PLCL1: variants seen among roughly 807,000 people sequenced by gnomAD.
The protein encoded by PLCL1 is inactive phospholipase C-like protein 1.
In PLCL1, 41 loss-of-function variants were observed where a neutral mutation model predicts 84.4. The observed-to-expected ratio is 0.49, with a 90% confidence interval of 0.38 to 0.63. The LOEUF (loss-of-function observed/expected upper bound fraction) is 0.63. Among genes scored for constraint, PLCL1 ranks in the 30% least tolerant of loss-of-function variants. The pLI, the probability that PLCL1 is intolerant of heterozygous loss-of-function variation, is 0.00. For missense variants in PLCL1, 1,206 were observed against 1,367.8 expected, an observed-to-expected ratio of 0.88 and a Z score of 1.87; for synonymous variants, 490 against 488.3, an observed-to-expected ratio of 1.00 and a Z score of -0.05.
chr2:197,904,757 C>G (rs944940770), intron 1 of PLCL1, among the ~76,000 whole-genome samples: 4 of 151,838 alleles, frequency 2.6e-5, no homozygotes, highest in African/African-American at 9.7e-5. Flanking sequence ...GAACTAAATG[C>G]ATATGATAAT....
intron 1 of PLCL1, among the ~76,000 whole-genome samples, chr2:197,882,465 C>G (rs1467930511): frequency 6.6e-6 from 1 of 152,140 alleles, no homozygotes; most frequent in Non-Finnish European, 1.5e-5. Context: ...TACCTGTTTT[C>G]TAAACATTTT....
intron 1 of PLCL1, among the ~76,000 whole-genome samples, chr2:197,897,170 T>C (rs57892126): frequency 0.26 from 11,699 of 44,756 alleles, 1,250 homozygotes; most frequent in Middle Eastern, 0.3. Context: ...TTCTTCTTCT[T>C]CTTCTTCTTC....
intron 1 of PLCL1, among the ~76,000 whole-genome samples, chr2:198,015,786 T>G (rs1031076101): frequency 6.6e-6 from 1 of 152,130 alleles, no homozygotes; most frequent in Non-Finnish European, 1.5e-5. Flanking sequence ...TCAGAGCATA[T>G]GTGTGATAAA....
chr2:197,805,077 G>T lies in PLCL1; in HGVS notation c.-23G>T. 2 of 1,423,420 alleles carry T rather than the reference G, an allele frequency of 1.4e-6. No homozygotes were observed. The highest frequency in any genetic ancestry group is 1.8e-6 in the Non-Finnish European group (2 of 1,094,350). 88.2% of individuals were successfully genotyped at this position (1,423,420 alleles called of 1,614,324 possible). On this transcript the variant is annotated 5_prime_UTR_variant, in exon 1 of 6. Transcript: ENST00000428675. The surrounding 1 kb of genome is among the most constrained non-coding windows in gnomAD (Gnocchi z 4.0). ...CTGCCGGGCGTCCCGCTTTCCCCCG[G>T]GGAGCCCTAAACGCTCCAGGCCATG...
Position 198,129,363 on chromosome 2 carries a change from C to T in PLCL1, c.3106-17417C>T, listed in dbSNP as rs569723663. Among the ~76,000 whole-genome samples the T allele has an allele frequency of 5.9e-5, 9 of 152,210 alleles. No individual in the cohort carries two copies. In the South Asian group the frequency reaches 1.9e-3, roughly 32 times the overall value. ...TCTCCAACAACACCCCTTATCTTTGCCCAGACACTCCTTTCTATTGATTCC... is the reference window on the plus strand; with the variant it reads ...TCTCCAACAACACCCCTTATCTTTGTCCAGACACTCCTTTCTATTGATTCC... On this transcript the variant is annotated intron_variant, in intron 5 of 5. Transcript: ENST00000428675.
intron 1 of PLCL1, among the ~76,000 whole-genome samples, chr2:197,855,765 C>T (rs922593435): frequency 4.6e-5 from 7 of 152,106 alleles, no homozygotes; most frequent in South Asian, 2.1e-4. Flanking sequence ...CCTTCTTTAA[C>T]GGGGCCCATC....
At chr2:198,022,771 T>A (rs2105841209) in intron 1 of PLCL1, among the ~76,000 whole-genome samples, 1 of 152,242 alleles carries the variant, frequency 6.6e-6, no homozygotes, top group South Asian at 2.1e-4. Flanking sequence ...ATAGAAAAAC[T>A]TTCCATGTTC....
rs1692038826 is a variant in PLCL1, at chr2:198,055,328, TC to T, written c.241-28429del. ...CTCTCTCTCTCTCTCTCTCTCTCTC[TC>T]TGTGTGTGTGTGTGTCTGTGTATGA... On this transcript the variant is annotated intron_variant, in intron 1 of 5. Transcript: ENST00000428675. 1.9e-5 allele frequency among the ~76,000 whole-genome samples: 2 copies of T among 106,448 alleles called. 1 individual carries two copies. The highest frequency in any genetic ancestry group is 9.3e-5 in the African/African-American group (2 of 21,618). The allele number at this position is 106,448 out of a possible 152,430, so 69.8% of individuals were successfully genotyped here. A position where few individuals can be genotyped will look rare whatever the true frequency, so the allele number is the denominator to read the frequency against.
chr2:198,105,087 T>A (rs558404403), intron 5 of PLCL1, among the ~76,000 whole-genome samples: 1 of 152,206 alleles, frequency 6.6e-6, no homozygotes, highest in Admixed American at 6.6e-5. Flanking sequence ...ATGAAATCTT[T>A]ATTAGGTCCT....
chr2:197,894,053 G>A (rs1404308357), intron 1 of PLCL1, among the ~76,000 whole-genome samples: 1 of 151,800 alleles, frequency 6.6e-6, no homozygotes, highest in Non-Finnish European at 1.5e-5. Context: ...AGCCTCATCT[G>A]TCTCTCTTAT....
At chr2:198,143,445 C>G (rs1199993933) in intron 5 of PLCL1, among the ~76,000 whole-genome samples, 1 of 152,110 alleles carries the variant, frequency 6.6e-6, no homozygotes, top group Non-Finnish European at 1.5e-5. Context: ...GGGACACCTG[C>G]TGTACCTAAT....
intron 1 of PLCL1, among the ~76,000 whole-genome samples, chr2:198,073,266 C>T (rs1417813557): frequency 6.6e-6 from 1 of 152,062 alleles, no homozygotes; most frequent in Non-Finnish European, 1.5e-5. Flanking sequence ...TCCATTTTGA[C>T]CATGGAGGCT....
chr2:197,969,085 G>T (rs998389808), intron 1 of PLCL1, among the ~76,000 whole-genome samples: 1 of 152,168 alleles, frequency 6.6e-6, no homozygotes, highest in Non-Finnish European at 1.5e-5. Context: ...ATATGCAAGG[G>T]ATCTAGATTG....
chr2:198,068,751 C>T (rs980471815), intron 1 of PLCL1, among the ~76,000 whole-genome samples: 8 of 152,142 alleles, frequency 5.3e-5, no homozygotes, highest in Non-Finnish European at 1.0e-4. Flanking sequence ...GCCACTGAGG[C>T]GGGCTTACGC....
chr2:197,906,149 G>A (rs1688377738), intron 1 of PLCL1, among the ~76,000 whole-genome samples: 1 of 152,142 alleles, frequency 6.6e-6, no homozygotes, highest in Non-Finnish European at 1.5e-5. Context: ...CCATGCCTAT[G>A]TCCTGAATGG....
intron 1 of PLCL1, among the ~76,000 whole-genome samples, chr2:197,929,961 T>C (rs1688902318): frequency 6.6e-6 from 1 of 152,210 alleles, no homozygotes; most frequent in East Asian, 1.9e-4. Context: ...TTTTCTCCTG[T>C]GATACACAGA....
chr2:197,956,110 A>G (rs1200093152), intron 1 of PLCL1, among the ~76,000 whole-genome samples: 1 of 151,812 alleles, frequency 6.6e-6, no homozygotes, highest in Non-Finnish European at 1.5e-5. Context: ...TGAGAATGAT[A>G]GCTTACAGCT....
At chr2:197,919,517 T>TG (rs1688665791) in intron 1 of PLCL1, among the ~76,000 whole-genome samples, 1 of 152,226 alleles carries the variant, frequency 6.6e-6, no homozygotes, top group Non-Finnish European at 1.5e-5. Flanking sequence ...AAACCCCCAC[T>TG]CATTGACTTC....
intron 5 of PLCL1, among the ~76,000 whole-genome samples, chr2:198,116,053 A>G (rs1280344806): frequency 6.7e-6 from 1 of 149,482 alleles, no homozygotes; most frequent in Non-Finnish European, 1.5e-5. Flanking sequence ...ATGTGTGTAT[A>G]TATGTATATG....
Sources: gnomAD v4.1 joint callset for allele counts (sites outside exome capture counted in the v4.1 genomes callset) on GRCh38, gnomAD v4.1.1 for gene constraint, Gnocchi (gnomAD v3.1) non-coding constraint, MANE v1.5 for transcripts, NCBI Gene and HGNC (gene_info 2026-07-23, HGNC 2026-07-21) for gene names.